The following PTPRM variants were observed in gnomAD, a reference collection of about 807,000 sequenced individuals.
PTPRM encodes the protein receptor-type tyrosine-protein phosphatase mu.
In PTPRM, 47 loss-of-function variants were observed where a neutral mutation model predicts 186.7. The observed-to-expected ratio is 0.25, with a 90% CI of 0.20 to 0.32. The LOEUF (loss-of-function observed/expected upper bound fraction) is 0.32. Ranked by LOEUF, PTPRM falls within the 10% of genes least tolerant of loss-of-function variation. PTPRM has a pLI of 1.00. For synonymous variants in PTPRM, 668 were observed against 674.9 expected (o/e 0.99, Z 0.16); for missense variants, 1,494 against 1,865.0 (o/e 0.80, Z 3.66).
intron 2 of PTPRM, among the ~76,000 whole-genome samples, chr18:7,859,568 C>T (rs2047255089): frequency 6.6e-6 from 1 of 152,172 alleles, no homozygotes; most frequent in Non-Finnish European, 1.5e-5. Flanking sequence ...CACCTCTGGC[C>T]CAAGTATGCC....
intron 1 of PTPRM, among the ~76,000 whole-genome samples, chr18:7,735,439 A>G (rs568336727): frequency 1.3e-5 from 2 of 151,050 alleles, no homozygotes; most frequent in Admixed American, 1.3e-4. Flanking sequence ...AAGCAAGCAA[A>G]CAAACAAACA....
In PTPRM at chr18:8,387,154, C is replaced by A; in HGVS notation, c.4127C>A (p.Ser1376Tyr). The A allele has an allele frequency of 1.2e-6, 2 of 1,613,168 alleles. No individual in the cohort carries two copies. Among genetic ancestry groups the A allele is most frequent in the Non-Finnish European group, 1.7e-6 (2 of 1,179,106 alleles). The change falls in exon 31 of 33, where the codon TCC becomes TAC. Residue 1376 changes from serine (S) to tyrosine (Y), a missense_variant. By Grantham distance (144) the Ser-to-Tyr change is moderately radical. This residue lies in a region of PTPRM where 1,107 missense variants were observed against 1,350.2 expected (regional missense o/e 0.82). Coordinates refer to ENST00000580170, the MANE Select transcript of PTPRM (RefSeq NM_001105244.2). ...MYRDTPVSKR[S>Y]FLKLIRQVDK... ...AGGGACACACCAGTGTCTAAGCGCT[C>A]CTTCTTGAAGCTCATTCGCCAGGTG... is the stretch of plus-strand genomic sequence containing the variant.
chr18:8,037,626 G>A (rs961084334), intron 7 of PTPRM, among the ~76,000 whole-genome samples: 1 of 152,004 alleles, frequency 6.6e-6, no homozygotes, highest in Non-Finnish European at 1.5e-5. Flanking sequence ...TAATATCCTA[G>A]CTTCACAAAT....
chr18:8,215,524 TTTTCTTTC>T (rs1225339897), intron 14 of PTPRM, among the ~76,000 whole-genome samples: 2 of 150,938 alleles, frequency 1.3e-5, no homozygotes, highest in African/African-American at 4.9e-5. Flanking sequence ...TAGTGCTTTT[TTTTCTTTC>T]TTTCTTTCTT....
At chr18:8,067,686 G>T (rs1402558045) in intron 7 of PTPRM, among the ~76,000 whole-genome samples, 1 of 152,172 alleles carries the variant, frequency 6.6e-6, no homozygotes. Context: ...ATAATTGATG[G>T]AGAAAACAGA....
intron 14 of PTPRM, among the ~76,000 whole-genome samples, chr18:8,186,347 A>G (rs2093642218): frequency 6.7e-6 from 1 of 149,492 alleles, no homozygotes; most frequent in African/African-American, 2.5e-5. Flanking sequence ...AAAAAAAAAG[A>G]ATGAAAAGTA....
intron 2 of PTPRM, among the ~76,000 whole-genome samples, chr18:7,779,630 A>G (rs905880373): frequency 2.0e-5 from 3 of 152,196 alleles, no homozygotes; most frequent in Non-Finnish European, 4.4e-5. Flanking sequence ...ATTTATTCAC[A>G]CTTCAGGACT....
intron 2 of PTPRM, among the ~76,000 whole-genome samples, chr18:7,819,094 G>C (rs1470994502): frequency 2.6e-5 from 4 of 152,200 alleles, no homozygotes; most frequent in Non-Finnish European, 5.9e-5. Flanking sequence ...GAAATGTCCA[G>C]TGGTTTCTTA....
At chr18:8,086,008 G>GT in intron 10 of PTPRM, 136 bp downstream of exon 10, 1 of 794,292 alleles carries the variant, frequency 1.3e-6, no homozygotes, top group Non-Finnish European at 2.1e-6. Context: ...CTGAAGCTCA[G>GT]ACTCACAGCT....
chr18:7,895,766 G>T (rs7241898), intron 3 of PTPRM, among the ~76,000 whole-genome samples: 54,008 of 152,064 alleles, frequency 0.36, 10,565 homozygotes, highest in East Asian at 0.55. Flanking sequence ...AAGTTTTCAG[G>T]CAATCTAGAC....
chr18:7,955,322 C>T lies in PTPRM; in HGVS notation c.1040C>T (p.Thr347Ile). The change falls in exon 7 of 33, where the codon ACA becomes ATA. Residue 347 changes from threonine (T) to isoleucine (I), a missense_variant. Physicochemically the swap from Thr to Ile is moderately conservative, Grantham distance 89. Coordinates refer to ENST00000580170, the MANE Select transcript of PTPRM (RefSeq NM_001105244.2). The stretch of plus-strand genomic sequence containing the variant: ...AAAATTGGACACCTTGACCCAGATA[C>T]AGAATATGAGATTAGTGTGCTCCTG... ...SYKIGHLDPDTEYEISVLLTR... is the reference protein window; with the variant it reads ...SYKIGHLDPDIEYEISVLLTR... 6.2e-7 allele frequency: 1 copy of T among 1,614,184 alleles called. No homozygotes were observed. Among genetic ancestry groups the T allele is most frequent in the Admixed American group, 1.7e-5 (1 of 60,026 alleles).
At chr18:7,651,095 C>A (rs1456106882) in intron 1 of PTPRM, among the ~76,000 whole-genome samples, 1 of 151,764 alleles carries the variant, frequency 6.6e-6, no homozygotes, top group Non-Finnish European at 1.5e-5. Flanking sequence ...TGACAGCTGG[C>A]TAATTTTTGT....
intron 3 of PTPRM, among the ~76,000 whole-genome samples, chr18:7,905,002 T>C (rs1013691500): frequency 6.6e-6 from 1 of 152,154 alleles, no homozygotes; most frequent in African/African-American, 2.4e-5. Context: ...TATTTTTTTT[T>C]ATTTTGTTGA....
At chr18:8,130,467 T>C (rs143507459) in intron 13 of PTPRM, among the ~76,000 whole-genome samples, 2,650 of 152,332 alleles carry the variant, frequency 0.017, 78 homozygotes, top group African/African-American at 0.061. Context: ...TATTGTGGAA[T>C]GAAATGCAAC....
At chr18:7,684,918 A>G (rs570264613) in intron 1 of PTPRM, among the ~76,000 whole-genome samples, 3 of 152,204 alleles carry the variant, frequency 2.0e-5, no homozygotes, top group African/African-American at 7.2e-5. Flanking sequence ...TTTTTGAGGA[A>G]TCTCTATACT....
At chr18:7,955,440 A>G in intron 7 of PTPRM, 26 bp downstream of exon 7, 1 of 1,586,410 alleles carries the variant, frequency 6.3e-7, no homozygotes, top group Non-Finnish European at 8.6e-7. Context: ...CCTGCAATTA[A>G]TTGTCATTGT....
intron 2 of PTPRM, among the ~76,000 whole-genome samples, chr18:7,830,577 G>C (rs2045709267): frequency 6.6e-6 from 1 of 152,142 alleles, no homozygotes; most frequent in African/African-American, 2.4e-5. Flanking sequence ...AAAGTCGTTA[G>C]GCAGTACATG....
intron 14 of PTPRM, among the ~76,000 whole-genome samples, chr18:8,209,932 T>C (rs2093979459): frequency 7.2e-6 from 1 of 138,692 alleles, no homozygotes; most frequent in African/African-American, 2.7e-5. Context: ...GGCACAGGTA[T>C]ACCTGTGTAA....
At chr18:7,612,871 T>C (rs2037709885) in intron 1 of PTPRM, among the ~76,000 whole-genome samples, 2 of 152,196 alleles carry the variant, frequency 1.3e-5, no homozygotes, top group African/African-American at 4.8e-5. Context: ...AAGTGGAATG[T>C]ACCTAGCTCC....
Sources: allele counts gnomAD v4.1 joint callset (sites outside exome capture counted in the v4.1 genomes callset), GRCh38; gene constraint gnomAD v4.1.1; regional missense constraint gnomAD v4.1.1; transcripts MANE v1.5; gene names NCBI Gene and HGNC (gene_info 2026-07-23, HGNC 2026-07-21).